Variants in HIVEP3 observed in about 807,000 individuals in gnomAD.
The protein encoded by HIVEP3 is transcription factor HIVEP3.
Under a neutral mutation model 152.8 loss-of-function variants are expected in HIVEP3, and 49 were observed. That is an observed-to-expected ratio of 0.32 (90% confidence interval 0.26 to 0.41). The LOEUF is 0.41. Among genes scored for constraint, HIVEP3 ranks in the 10% least tolerant of loss-of-function variants. The pLI is 1.00. For synonymous variants in HIVEP3, 1,269 were observed against 1,289.0 expected (o/e 0.98, Z 0.33); for missense variants, 2,790 against 3,103.3 (o/e 0.90, Z 2.40).
chr1:41,866,925 A>G (rs945318376), intron 1 of HIVEP3, among the ~76,000 whole-genome samples: 3 of 152,248 alleles, frequency 2.0e-5, no homozygotes, highest in Non-Finnish European at 2.9e-5. Flanking sequence ...AGGACACTCA[A>G]CGTCAGGATA....
chr1:41,806,806 G>A (rs1214983261), intron 1 of HIVEP3, among the ~76,000 whole-genome samples: 1 of 152,162 alleles, frequency 6.6e-6, no homozygotes, highest in Non-Finnish European at 1.5e-5. Context: ...ACTCCACAGG[G>A]TAGGGGGCTC....
At chr1:41,788,286 C>T (rs752403750) in intron 1 of HIVEP3, among the ~76,000 whole-genome samples, 3 of 152,196 alleles carry the variant, frequency 2.0e-5, no homozygotes, top group Non-Finnish European at 2.9e-5. Flanking sequence ...ATGGTCCCTG[C>T]GGCTAATGGT....
intron 1 of HIVEP3, among the ~76,000 whole-genome samples, chr1:41,723,703 GA>G (rs779868794): frequency 2.0e-5 from 3 of 152,204 alleles, no homozygotes; most frequent in Non-Finnish European, 4.4e-5. Flanking sequence ...GAGAAAACTA[GA>G]AGAATGAGAT....
rs565730332 is a variant in HIVEP3 at position 41,891,008 on chromosome 1, C to G, written c.-801+27405G>C. On this transcript the variant is annotated intron_variant, in intron 1 of 8. Coordinates refer to ENST00000372583, the MANE Select transcript of HIVEP3 (RefSeq NM_024503.5). The stretch of plus-strand genomic sequence containing the variant: ...GGGAGCCCTGAAACGAGCAGGCCAG[C>G]TGGAGAGGTGGCCAACACATTCCTC... Among the ~76,000 whole-genome samples the G allele has an allele frequency of 2.6e-5, 4 of 152,308 alleles. No individual in the cohort carries two copies. The South Asian group carries it at 8.3e-4, about 32-fold the overall frequency.
chr1:41,861,424 G>T (rs945512531), intron 1 of HIVEP3, among the ~76,000 whole-genome samples: 1 of 152,232 alleles, frequency 6.6e-6, no homozygotes, highest in African/African-American at 2.4e-5. Flanking sequence ...AAGGCACAAA[G>T]AATCCAGGAG....
chr1:41,522,278 AC>A (rs1252360480), intron 6 of HIVEP3, among the ~76,000 whole-genome samples: 1 of 151,992 alleles, frequency 6.6e-6, no homozygotes, highest in African/African-American at 2.4e-5. Context: ...CTCTCCCTTC[AC>A]CCCCATACTG....
intron 1 of HIVEP3, among the ~76,000 whole-genome samples, chr1:41,762,859 A>G (rs1647784145): frequency 6.6e-6 from 1 of 152,242 alleles, no homozygotes; most frequent in Non-Finnish European, 1.5e-5. Context: ...TTAGATAGGC[A>G]TGTATGTGTA....
At chr1:41,604,896 G>A (rs1208777642) in intron 3 of HIVEP3, among the ~76,000 whole-genome samples, 1 of 151,896 alleles carries the variant, frequency 6.6e-6, no homozygotes, top group African/African-American at 2.4e-5. Context: ...TTGAGCCCAG[G>A]AATTCGAGAC....
intron 1 of HIVEP3, among the ~76,000 whole-genome samples, chr1:41,720,315 C>T (rs1646656793): frequency 6.6e-6 from 1 of 152,174 alleles, no homozygotes; most frequent in South Asian, 2.1e-4. Context: ...TATAATTTTC[C>T]CCATTTGGGA....
intron 2 of HIVEP3, among the ~76,000 whole-genome samples, chr1:41,670,257 G>A (rs998319231): frequency 1.3e-5 from 2 of 152,098 alleles, no homozygotes; most frequent in African/African-American, 4.8e-5. Context: ...GGCAGGGCAG[G>A]GACCATCAGC....
intron 1 of HIVEP3, among the ~76,000 whole-genome samples, chr1:41,851,525 T>A (rs2124383233): frequency 2.0e-5 from 3 of 152,096 alleles, no homozygotes; most frequent in Admixed American, 2.0e-4. Flanking sequence ...ATGGTCTCAA[T>A]CTCTTGACCT....
chr1:41,977,389 G>A (rs1557546945), intron 1 of HIVEP3, among the ~76,000 whole-genome samples: 1 of 152,100 alleles, frequency 6.6e-6, no homozygotes, highest in Non-Finnish European at 1.5e-5. Context: ...CCAGGAGAGA[G>A]GTGTGCCCCA....
At chr1:41,524,268 C>T (rs1377238078) in intron 6 of HIVEP3, among the ~76,000 whole-genome samples, 7 of 152,106 alleles carry the variant, frequency 4.6e-5, no homozygotes, top group South Asian at 2.1e-4. Context: ...GAGGTCGGCG[C>T]GCTCTGGCAG....
intron 1 of HIVEP3, among the ~76,000 whole-genome samples, chr1:41,771,251 A>C (rs1648336636): frequency 6.6e-6 from 1 of 151,878 alleles, no homozygotes; most frequent in Admixed American, 6.6e-5. Context: ...CTGTTTCTAA[A>C]AGTTGGTCTG....
intron 1 of HIVEP3, among the ~76,000 whole-genome samples, chr1:41,964,266 G>C (rs1025601407): frequency 1.3e-5 from 2 of 152,152 alleles, no homozygotes; most frequent in African/African-American, 4.8e-5. Context: ...CACGCAGAGC[G>C]AGGAAAAGCA....
At chr1:41,941,688 T>C (rs956562108) in intron 1 of HIVEP3, among the ~76,000 whole-genome samples, 1 of 152,202 alleles carries the variant, frequency 6.6e-6, no homozygotes, top group African/African-American at 2.4e-5. Flanking sequence ...GGTTATGATC[T>C]GGAATTATAA....
rs151220237 is a variant in HIVEP3 at position 41,547,410 on chromosome 1, C to G, written c.5208-22500G>C. Among the ~76,000 whole-genome samples, 174 of 152,224 alleles carry G rather than the reference C, an allele frequency of 1.1e-3. No individual in the cohort carries two copies. In the East Asian group the frequency reaches 0.015, roughly 13 times the overall value. On this transcript the variant is annotated intron_variant, in intron 5 of 8. Transcript: ENST00000372583. ...GCAGGGTTGGGGAGGGCCAGGGAGG[C>G]TCCAGGGAATGGGGGTGCCTGGCCT...
intron 1 of HIVEP3, among the ~76,000 whole-genome samples, chr1:41,874,839 A>T (rs905403147): frequency 1.3e-5 from 2 of 152,190 alleles, no homozygotes; most frequent in Non-Finnish European, 2.9e-5. Flanking sequence ...TCTCCTCCCC[A>T]GCTACCTTTC....
chr1:41,621,215 CG>C (rs1326246698), intron 3 of HIVEP3, among the ~76,000 whole-genome samples: 1 of 152,228 alleles, frequency 6.6e-6, no homozygotes, highest in Non-Finnish European at 1.5e-5. Flanking sequence ...CCACAGACCA[CG>C]GCCTTGACCC....
Sources: gnomAD v4.1 joint callset for allele counts (sites outside exome capture counted in the v4.1 genomes callset) on GRCh38, gnomAD v4.1.1 for gene constraint, MANE v1.5 for transcripts, NCBI Gene and HGNC (gene_info 2026-07-23, HGNC 2026-07-21) for gene names.